SEC31A: variants seen among roughly 807,000 people sequenced by gnomAD.
The protein encoded by SEC31A is SEC31 homolog A, COPII component, also known as protein transport protein Sec31A.
SEC31A carries 70 observed loss-of-function variants against 151.0 expected under a neutral mutation model. The observed-to-expected ratio is 0.46, with a 90% CI of 0.38 to 0.57. The LOEUF (loss-of-function observed/expected upper bound fraction) is 0.57. Among genes scored for constraint, SEC31A ranks in the 20% least tolerant of loss-of-function variants. The probability of loss-of-function intolerance (pLI) is 0.00; values close to 1 mark genes in which losing one functional copy is unlikely to be tolerated. For missense variants in SEC31A, 1,330 were observed against 1,471.2 expected, an observed-to-expected ratio of 0.90 and a Z score of 1.57; for synonymous variants, 475 against 505.9, an observed-to-expected ratio of 0.94 and a Z score of 0.82.
chr4:82,832,155 CATT>C (rs1259615465), intron 22 of SEC31A, among the ~76,000 whole-genome samples: 1 of 152,168 alleles, frequency 6.6e-6, no homozygotes, highest in Non-Finnish European at 1.5e-5. Flanking sequence ...TGATTTCAAA[CATT>C]ACTACAAGGC....
Position 82,863,392 on chromosome 4 carries a change from C to A in SEC31A, c.1435G>T (p.Val479Leu). 1 of 1,546,112 alleles carries A rather than the reference C, an allele frequency of 6.5e-7. No individual in the cohort carries two copies. The change falls in exon 12 of 27, where the codon GTA (valine) becomes TTA (leucine). Residue 479 changes from valine (V) to leucine (L), a missense_variant and splice_region_variant. Transcript: ENST00000395310. ...FEKNVWSFLK[V>L]NFEDDSRGKY... ...CCACGAGAATCATCCTCAAAGTTTACCTTTAAAAAAAAAGACATATTCTTA... is the reference window on the plus strand; with the variant it reads ...CCACGAGAATCATCCTCAAAGTTTAACTTTAAAAAAAAAGACATATTCTTA...
intron 22 of SEC31A, among the ~76,000 whole-genome samples, chr4:82,834,113 GATATGACTTC>G (rs1231230484): frequency 6.6e-6 from 1 of 152,194 alleles, no homozygotes; most frequent in Non-Finnish European, 1.5e-5. Flanking sequence ...CTCCATGTGA[GATATGACTTC>G]ATAACACTAT....
intron 2 of SEC31A, among the ~76,000 whole-genome samples, chr4:82,881,338 G>A (rs1239142735): frequency 6.6e-6 from 1 of 151,962 alleles, no homozygotes; most frequent in African/African-American, 2.4e-5. Context: ...GGTGGTGGAC[G>A]CCTGTAGTCC....
chr4:82,833,595 C>T (rs985190700), intron 22 of SEC31A, among the ~76,000 whole-genome samples: 4 of 150,690 alleles, frequency 2.7e-5, no homozygotes, highest in African/African-American at 9.8e-5. Context: ...ATCACTACTT[C>T]TTATAGGAAA....
intron 25 of SEC31A, chr4:82,821,586 T>G (rs1254709701): frequency 6.9e-6 from 1 of 144,926 alleles, no homozygotes; most frequent in Non-Finnish European, 1.5e-5. Flanking sequence ...TTGAACAGAT[T>G]ATTAGAACAG....
At chr4:82,822,055 T>C (rs1030834810) in intron 25 of SEC31A, among the ~76,000 whole-genome samples, 2 of 152,196 alleles carry the variant, frequency 1.3e-5, no homozygotes, top group African/African-American at 4.8e-5. Flanking sequence ...CTGTAAAGTA[T>C]AATCAAAGAA....
intron 20 of SEC31A, 86 bp from the exon 21 acceptor site, chr4:82,844,595 T>C (rs1729649472): frequency 7.3e-6 from 10 of 1,360,872 alleles, no homozygotes; most frequent in Non-Finnish European, 1.0e-5. Context: ...GAAATGGAAT[T>C]CTATGTTTAT....
rs1248808497 is a variant in SEC31A at position 82,848,996 on chromosome 4, A to C, written c.2329-19T>G. 48 of 1,608,262 alleles carry C rather than the reference A, an allele frequency of 3.0e-5. No homozygotes were observed. The highest frequency in any genetic ancestry group is 4.1e-5 in the Non-Finnish European group (48 of 1,177,392). ...TATTTGGCTAAAAAGGATTGGAAAA[A>C]CAGCAGACTGTTGAGAGTTCACCCA... On this transcript the variant is annotated intron_variant, in intron 19 of 26. Coordinates refer to ENST00000395310, the MANE Select transcript of SEC31A (RefSeq NM_001077207.4).
intron 4 of SEC31A, 62 bp from the exon 5 acceptor site, chr4:82,875,884 C>T: frequency 2.3e-6 from 2 of 871,872 alleles, no homozygotes; most frequent in Non-Finnish European, 3.6e-6. Flanking sequence ...CAGAATAACT[C>T]AGTTCAGAGC....
chr4:82,890,974 C>G, intron 1 of SEC31A, 114 bp downstream of exon 1: 1 of 1,480,832 alleles, frequency 6.8e-7, no homozygotes, highest in Non-Finnish European at 9.0e-7. Flanking sequence ...AGAGACCGGG[C>G]CTCAGGCTGG....
intron 1 of SEC31A, among the ~76,000 whole-genome samples, chr4:82,887,098 A>T (rs1307280344): frequency 6.6e-6 from 1 of 152,202 alleles, no homozygotes; most frequent in African/African-American, 2.4e-5. Context: ...TTTACTTTTT[A>T]AAAAAGGAGA....
intron 20 of SEC31A, among the ~76,000 whole-genome samples, chr4:82,848,313 C>CAAAAA (rs10655108): frequency 7.0e-6 from 1 of 142,394 alleles, no homozygotes. Flanking sequence ...CTAAATTGTC[C>CAAAAA]AAAAAAAAAA....
intron 20 of SEC31A, 144 bp from the exon 21 acceptor site, chr4:82,844,653 T>C (rs1729665609): frequency 1.3e-6 from 1 of 799,888 alleles, no homozygotes; most frequent in Non-Finnish European, 2.0e-6. Context: ...TTGCATATTC[T>C]ATCTTCCTCA....
At chr4:82,839,703 T>C (rs1247922742) in intron 22 of SEC31A, among the ~76,000 whole-genome samples, 2 of 152,216 alleles carry the variant, frequency 1.3e-5, no homozygotes, top group East Asian at 1.9e-4. Context: ...CAGTTGTCAG[T>C]AGATTAAAAT....
At chr4:82,870,759 T>C (rs1337610299) in intron 7 of SEC31A, among the ~76,000 whole-genome samples, 2 of 152,132 alleles carry the variant, frequency 1.3e-5, no homozygotes, top group African/African-American at 2.4e-5. Context: ...AAATGCAATA[T>C]TTTCAGAAGC....
At position 82,899,331 on chromosome 4, in the gene SEC31A, A is replaced by G. The variant is rs548583523; in HGVS notation, c.-2+382T>C. Among the ~76,000 whole-genome samples the G allele has an allele frequency of 2.0e-5, 3 of 152,334 alleles. No individual in the cohort carries two copies. The East Asian group carries it at 5.8e-4, about 29-fold the overall frequency. ...AAACCCACTGAATTGTACACTTTAA[A>G]CCAATTAGTTGTGTGGTATGAGAAT... On this transcript the variant is annotated intron_variant, in intron 3 of 28. Coordinates refer to the SEC31A transcript ENST00000355196.
At chr4:82,896,340 C>T (rs911467028) in intron 3 of SEC31A, among the ~76,000 whole-genome samples, 9 of 152,248 alleles carry the variant, frequency 5.9e-5, no homozygotes, top group Non-Finnish European at 1.2e-4. Context: ...GCCTTGGCCT[C>T]CCAAGTAGCT....
intron 8 of SEC31A, among the ~76,000 whole-genome samples, chr4:82,868,463 T>A (rs1397744245): frequency 6.6e-6 from 1 of 151,714 alleles, no homozygotes; most frequent in Non-Finnish European, 1.5e-5. Context: ...ATGGTGCCAC[T>A]GCATTCCAGC....
chr4:82,891,437 G>T (rs748483946), upstream of SEC31A, among the ~76,000 whole-genome samples: 2 of 152,240 alleles, frequency 1.3e-5, no homozygotes, highest in Non-Finnish European at 2.9e-5. Context: ...CAGGACTAGT[G>T]GGTAAAGGAC....
Sources: gnomAD v4.1 joint callset for allele counts (sites outside exome capture counted in the v4.1 genomes callset) on GRCh38, gnomAD v4.1.1 for gene constraint, MANE v1.5 for transcripts, NCBI Gene and HGNC (gene_info 2026-07-23, HGNC 2026-07-21) for gene names.